Variants in BEST3 observed in about 807,000 individuals in gnomAD.
The protein encoded by BEST3 is bestrophin-3.
BEST3 carries 50 observed loss-of-function variants against 47.1 expected under a neutral mutation model. The ratio of observed to expected loss-of-function variants is 1.06; its 90% CI spans 0.85 to 1.34. The LOEUF is 1.34. BEST3 is among the 40% of genes most tolerant of loss of function. BEST3 has a pLI of 0.00. For missense variants in BEST3, 765 were observed against 817.0 expected, an observed-to-expected ratio of 0.94 and a Z score of 0.78; for synonymous variants, 282 against 298.8, an observed-to-expected ratio of 0.94 and a Z score of 0.58.
chr12:69,655,800 C>T lies in BEST3; in HGVS notation c.1114G>A (p.Asp372Asn), dbSNP rs755600738. The change falls in exon 10 of 10, where the codon GAC becomes AAC. Residue 372 changes from aspartate (D) to asparagine (N), a missense_variant. Physicochemically the swap from Asp to Asn is conservative, Grantham distance 23. Coordinates refer to ENST00000330891, the MANE Select transcript of BEST3 (RefSeq NM_032735.3). ...STVQMGLSGS[D>N]FPDEEWLWDY... ...CACAGCCACTCCTCGTCAGGAAAGT[C>T]GGACCCAGACAGCCTGAAACACACA... 64 of 1,606,804 alleles carry T rather than the reference C, an allele frequency of 4.0e-5. No individual in the cohort carries two copies. The highest frequency in any genetic ancestry group is 8.8e-5 in the South Asian group (8 of 90,776).
chr12:69,649,596 T>G (rs1359486994), downstream of BEST3, among the ~76,000 whole-genome samples: 3 of 152,206 alleles, frequency 2.0e-5, no homozygotes, highest in Non-Finnish European at 4.4e-5. Context: ...GATGGTTGTC[T>G]CATTTTTACC....
intron 9 of BEST3, among the ~76,000 whole-genome samples, chr12:69,648,137 A>C (rs1883098624): frequency 6.6e-6 from 1 of 152,190 alleles, no homozygotes; most frequent in South Asian, 2.1e-4. Flanking sequence ...GTAGAGATGC[A>C]AGGACACTTC....
intron 4 of BEST3, among the ~76,000 whole-genome samples, chr12:69,692,863 AGCGATTCTCCT>A (rs1203762452): frequency 6.6e-6 from 1 of 152,166 alleles, no homozygotes; most frequent in Non-Finnish European, 1.5e-5. Context: ...CCCAGGTTCA[AGCGATTCTCCT>A]GCCTCAGCCT....
At chr12:69,673,084 A>C (rs1382706854) in intron 7 of BEST3, 119 bp from the exon 8 acceptor site, 1 of 703,104 alleles carries the variant, frequency 1.4e-6, no homozygotes, top group Non-Finnish European at 2.4e-6. Context: ...TACGAAGAGT[A>C]GAGGGGAGTA....
chr12:69,671,915 C>T (rs1006291963), intron 8 of BEST3, among the ~76,000 whole-genome samples: 11 of 152,258 alleles, frequency 7.2e-5, no homozygotes, highest in Middle Eastern at 3.4e-3. Flanking sequence ...GTTGTTTTAC[C>T]TGATAGCACC....
At chr12:69,648,416 G>A (rs532908980) in intron 9 of BEST3, among the ~76,000 whole-genome samples, 4 of 152,170 alleles carry the variant, frequency 2.6e-5, no homozygotes, top group Admixed American at 6.5e-5. Context: ...AAAAGCATTT[G>A]CACACAAAAC....
chr12:69,692,950 A>G (rs1885977295), intron 4 of BEST3, among the ~76,000 whole-genome samples: 1 of 152,120 alleles, frequency 6.6e-6, no homozygotes, highest in South Asian at 2.1e-4. Flanking sequence ...TTTAGTAGAG[A>G]CAGGGTTTCA....
At chr12:69,687,144 C>T (rs1044928273) in intron 4 of BEST3, 1 of 152,194 alleles carries the variant, frequency 6.6e-6, no homozygotes, top group African/African-American at 2.4e-5. Context: ...GTGACCCAGA[C>T]CTGAGTTCCA....
chr12:69,682,569 TA>T (rs200397056), intron 4 of BEST3, among the ~76,000 whole-genome samples: 22 of 133,220 alleles, frequency 1.7e-4, no homozygotes, highest in Non-Finnish European at 3.1e-4. Context: ...AGAGCATGAT[TA>T]AATTTTTTTT....
chr12:69,680,612 T>C (rs896127234), intron 4 of BEST3, among the ~76,000 whole-genome samples: 4 of 152,106 alleles, frequency 2.6e-5, no homozygotes, highest in Admixed American at 6.6e-5. Context: ...TAGCCGATCT[T>C]TTCTTTTTAA....
chr12:69,670,492 G>A (rs997779250), intron 9 of BEST3: 6 of 702,888 alleles, frequency 8.5e-6, no homozygotes, highest in African/African-American at 1.7e-5. Flanking sequence ...AGCCTCAGAG[G>A]CCCCTTTGGA....
In BEST3 at chr12:69,653,835, C is replaced by T. The variant is rs1183779482; in HGVS notation, c.*1072G>A. On this transcript the variant is annotated 3_prime_UTR_variant, in exon 10 of 10. Coordinates refer to ENST00000330891, the MANE Select transcript of BEST3 (RefSeq NM_032735.3). ...GTATCCTGCCCATTCCCAAATGACC[C>T]GATAGACACAGTAACTGGTCCCGTG... 35 of 985,294 alleles carry T rather than the reference C, an allele frequency of 3.6e-5. No individual in the cohort carries two copies. The South Asian group carries it at 4.7e-4, about 13-fold the overall frequency. 61.0% of individuals were successfully genotyped at this position (985,294 alleles called of 1,614,324 possible).
chr12:69,661,670 G>A (rs1883882384), intron 9 of BEST3, among the ~76,000 whole-genome samples: 1 of 152,220 alleles, frequency 6.6e-6, no homozygotes, highest in South Asian at 2.1e-4. Flanking sequence ...GCTGGGAGGT[G>A]TGGGGCTAAG....
Position 69,678,764 on chromosome 12 carries a change from C to A in BEST3, c.611G>T (p.Ser204Ile). The change falls in exon 5 of 10, where the codon AGT becomes ATT. Residue 204 changes from serine to isoleucine, a missense_variant. Transcript: ENST00000330891. ...AGTCATCAATGATTGCAGATCAACA[C>A]TGTCTCTGATTCTACCTTCATTCCG... ...KARNEGRIRD[S>I]VDLQSLMTEM... 1 of 1,614,130 alleles carries A rather than the reference C, an allele frequency of 6.2e-7. No individual in the cohort carries two copies. The highest frequency in any genetic ancestry group is 8.5e-7 in the Non-Finnish European group (1 of 1,179,990).
chr12:69,652,995 C>T (rs2135901715), downstream of BEST3, among the ~76,000 whole-genome samples: 1 of 152,282 alleles, frequency 6.6e-6, no homozygotes, highest in African/African-American at 2.4e-5. Flanking sequence ...ATAGCATTTC[C>T]TCTAATATTA....
chr12:69,650,649 T>G (rs192972880), downstream of BEST3, among the ~76,000 whole-genome samples: 5 of 152,248 alleles, frequency 3.3e-5, no homozygotes, highest in East Asian at 9.7e-4. Flanking sequence ...CTCAAGAGGG[T>G]CTTCTAACTT....
At chr12:69,658,508 T>G (rs1221025125) in intron 9 of BEST3, among the ~76,000 whole-genome samples, 1 of 152,202 alleles carries the variant, frequency 6.6e-6, no homozygotes. Context: ...CATAAGACTA[T>G]GGAGTAGATG....
chr12:69,665,015 A>G (rs920985938), intron 9 of BEST3, among the ~76,000 whole-genome samples: 4 of 152,156 alleles, frequency 2.6e-5, no homozygotes, highest in African/African-American at 9.7e-5. Flanking sequence ...AGGGATGCCA[A>G]GTCACACAGT....
intron 4 of BEST3, among the ~76,000 whole-genome samples, chr12:69,693,057 T>C (rs1393283095): frequency 6.6e-6 from 1 of 152,110 alleles, no homozygotes; most frequent in Non-Finnish European, 1.5e-5. Context: ...TTAATAAATA[T>C]GATAATTATT....
Sources: gnomAD v4.1 joint callset for allele counts (sites outside exome capture counted in the v4.1 genomes callset) on GRCh38, gnomAD v4.1.1 for gene constraint, MANE v1.5 for transcripts, NCBI Gene and HGNC (gene_info 2026-07-23, HGNC 2026-07-21) for gene names.